PVT1: variants seen among roughly 807,000 people sequenced by gnomAD.
The protein encoded by PVT1 is CXCR4/PVT1 fusion.
At chr8:128,025,784 A>G (rs1211898298) in intron 4 of PVT1, among the ~76,000 whole-genome samples, 1 of 152,090 alleles carries the variant, frequency 6.6e-6, no homozygotes, top group Admixed American at 6.5e-5. Flanking sequence ...ACATTAGCTC[A>G]CTTAAGGTCT....
intron 4 of PVT1, among the ~76,000 whole-genome samples, chr8:128,031,513 C>T (rs1369870195): frequency 6.6e-6 from 1 of 152,140 alleles, no homozygotes; most frequent in Non-Finnish European, 1.5e-5. Flanking sequence ...AACCTGGAAG[C>T]TAAGCAAGGC....
chr8:127,803,209 A>G (rs532251955), intron 2 of PVT1: 1 of 145,912 alleles, frequency 6.9e-6, no homozygotes, highest in East Asian at 2.0e-4. Flanking sequence ...GCTCACTGCA[A>G]GCTCCGCCTC....
At chr8:127,921,261 A>G (rs1238286784) in intron 3 of PVT1, among the ~76,000 whole-genome samples, 1 of 152,302 alleles carries the variant, frequency 6.6e-6, no homozygotes, top group Non-Finnish European at 1.5e-5. Flanking sequence ...TAGCAGAATC[A>G]GGGTTGTTAA....
At chr8:127,924,043 G>A (rs1207221071) in intron 3 of PVT1, among the ~76,000 whole-genome samples, 1 of 152,252 alleles carries the variant, frequency 6.6e-6, no homozygotes, top group Non-Finnish European at 1.5e-5. Flanking sequence ...TGGTGTTGGA[G>A]GCCGGGGGTC....
chr8:127,908,450 T>G (rs1815850872), intron 3 of PVT1, among the ~76,000 whole-genome samples: 1 of 151,872 alleles, frequency 6.6e-6, no homozygotes, highest in African/African-American at 2.4e-5. Flanking sequence ...CAAGCGATTC[T>G]CCTGCCTCAG....
intron 6 of PVT1, among the ~76,000 whole-genome samples, chr8:128,097,726 C>T (rs1814446951): frequency 6.6e-6 from 1 of 152,202 alleles, no homozygotes; most frequent in African/African-American, 2.4e-5. Context: ...ACCTGAGAAT[C>T]TATTAAGTAA....
intron 3 of PVT1, among the ~76,000 whole-genome samples, chr8:127,906,310 G>T (rs1310820762): frequency 1.3e-5 from 2 of 152,050 alleles, no homozygotes; most frequent in Non-Finnish European, 2.9e-5. Flanking sequence ...CTGCTTGCGG[G>T]GTTAATTAAA....
intron 2 of PVT1, among the ~76,000 whole-genome samples, chr8:127,872,222 TG>T (rs1195602115): frequency 4.6e-5 from 7 of 152,210 alleles, no homozygotes; most frequent in African/African-American, 1.7e-4. Context: ...AAGACCAGCC[TG>T]GGTAACATGG....
At chr8:127,924,744 C>T (rs995205728) in intron 3 of PVT1, among the ~76,000 whole-genome samples, 2 of 152,134 alleles carry the variant, frequency 1.3e-5, no homozygotes, top group Admixed American at 6.5e-5. Context: ...ATCTCCTGAC[C>T]TCGTGATCCG....
chr8:127,806,415 C>T (rs1294948420), intron 2 of PVT1, among the ~76,000 whole-genome samples: 5 of 151,980 alleles, frequency 3.3e-5, no homozygotes, highest in African/African-American at 1.2e-4. Context: ...GAACCCAGAT[C>T]TTGCCACTGC....
chr8:128,057,742 G>A (rs892392339), intron 4 of PVT1, among the ~76,000 whole-genome samples: 5 of 152,192 alleles, frequency 3.3e-5, no homozygotes, highest in Non-Finnish European at 5.9e-5. Flanking sequence ...GTAGAACGAG[G>A]TTCGGATCTC....
At chr8:127,851,473 G>T (rs1256594349) in intron 2 of PVT1, among the ~76,000 whole-genome samples, 1 of 152,128 alleles carries the variant, frequency 6.6e-6, no homozygotes, top group Non-Finnish European at 1.5e-5. Context: ...TGTGGGCTTT[G>T]CAGGCTTTTG....
chr8:128,091,946 A>C (rs1814360663), intron 5 of PVT1, among the ~76,000 whole-genome samples: 1 of 152,114 alleles, frequency 6.6e-6, no homozygotes, highest in South Asian at 2.1e-4. Context: ...AGCTGTCCTC[A>C]TAAGATTGTG....
chr8:127,820,502 C>G lies in PVT1; in HGVS notation n.372+24431C>G, dbSNP rs546668038. 1.5e-3 allele frequency among the ~76,000 whole-genome samples: 234 copies of G among 152,270 alleles called. 1 individual carries two copies. The highest frequency in any genetic ancestry group is 3.5e-3 in the Admixed American group (54 of 15,284). On this transcript the variant is annotated intron_variant and non_coding_transcript_variant, in intron 2 of 10. Coordinates refer to ENST00000651587, the Ensembl canonical transcript of PVT1. ...AACAGAATGGTTCATTAAATTTCAA[C>G]AATGTGCCTGGAATGCCAAGGGGAG...
chr8:128,074,382 G>C (rs1814053577), intron 5 of PVT1, among the ~76,000 whole-genome samples: 1 of 151,902 alleles, frequency 6.6e-6, no homozygotes, highest in Non-Finnish European at 1.5e-5. Context: ...AATTAGTGGG[G>C]TGTGGTGGTG....
At chr8:128,010,604 G>T (rs575622199) in intron 4 of PVT1, 2 of 152,250 alleles carry the variant, frequency 1.3e-5, no homozygotes, top group Admixed American at 6.5e-5. Context: ...CTGCCACTGC[G>T]CAAAGCTCAT....
intron 2 of PVT1, among the ~76,000 whole-genome samples, chr8:127,874,903 G>GGT (rs112419227): frequency 0.067 from 9,760 of 145,536 alleles, 471 homozygotes; most frequent in African/African-American, 0.14. Flanking sequence ...TTGGCCTCCA[G>GGT]GTGTGTGTGT....
intron 2 of PVT1, among the ~76,000 whole-genome samples, chr8:127,831,995 C>T (rs1301781174): frequency 1.3e-5 from 2 of 152,172 alleles, no homozygotes; most frequent in East Asian, 1.9e-4. Flanking sequence ...TCATTTGATT[C>T]TCAAAACAAC....
intron 6 of PVT1, chr8:128,099,571 T>C (rs1437434100): frequency 4.6e-5 from 7 of 152,218 alleles, no homozygotes; most frequent in African/African-American, 1.7e-4. Flanking sequence ...TATAGACTTA[T>C]ATGTATGCAG....
Sources: allele counts gnomAD v4.1 joint callset (sites outside exome capture counted in the v4.1 genomes callset), GRCh38; gene constraint gnomAD v4.1.1; transcripts MANE v1.5; gene names NCBI Gene and HGNC (gene_info 2026-07-23, HGNC 2026-07-21).